RGS6: variants seen among roughly 807,000 people sequenced by gnomAD.
The protein encoded by RGS6 is regulator of G protein signaling 6.
RGS6 carries 30 observed loss-of-function variants against 78.5 expected under a neutral mutation model. The observed-to-expected ratio is 0.38, with a 90% CI of 0.29 to 0.52. The LOEUF (loss-of-function observed/expected upper bound fraction) is 0.52. Among genes scored for constraint, RGS6 ranks in the 20% least tolerant of loss-of-function variants. The pLI, the probability that RGS6 is intolerant of heterozygous loss-of-function variation, is 0.85. For synonymous variants in RGS6, 206 were observed against 206.0 expected, an observed-to-expected ratio of 1.00 and a Z score of 0.00; for missense variants, 495 against 609.7, an observed-to-expected ratio of 0.81 and a Z score of 1.98.
At chr14:72,394,295 G>A (rs973717195) in intron 3 of RGS6, among the ~76,000 whole-genome samples, 2 of 152,108 alleles carry the variant, frequency 1.3e-5, no homozygotes, top group Non-Finnish European at 2.9e-5. Context: ...TTTCAAAAGG[G>A]GAGGGAGTGT....
chr14:72,136,101 C>A (rs2096434934), intron 2 of RGS6, among the ~76,000 whole-genome samples: 1 of 152,140 alleles, frequency 6.6e-6, no homozygotes, highest in Non-Finnish European at 1.5e-5. Flanking sequence ...GCTGGAGCTA[C>A]CTCTTCCCTT....
At chr14:72,438,881 C>T (rs2095061280) in intron 3 of RGS6, among the ~76,000 whole-genome samples, 1 of 152,272 alleles carries the variant, frequency 6.6e-6, no homozygotes, top group Non-Finnish European at 1.5e-5. Context: ...TTCCTGGTCT[C>T]CTCTCCACTG....
chr14:72,331,529 T>G (rs1164156351), intron 2 of RGS6, among the ~76,000 whole-genome samples: 1 of 152,194 alleles, frequency 6.6e-6, no homozygotes, highest in East Asian at 1.9e-4. Flanking sequence ...CTCCACTTGG[T>G]GTCGGCCGGG....
chr14:72,146,637 C>T (rs989686582), intron 2 of RGS6, among the ~76,000 whole-genome samples: 1 of 152,074 alleles, frequency 6.6e-6, no homozygotes, highest in African/African-American at 2.4e-5. Flanking sequence ...GTAACTAGTC[C>T]CAAGTGAGTT....
the RGS6 span, among the ~76,000 whole-genome samples, chr14:71,893,655 G>C: frequency 2.0e-5 from 3 of 152,182 alleles, no homozygotes; most frequent in African/African-American, 7.2e-5. Context: ...TTACACAGTA[G>C]GATTTTGGGG....
At position 72,469,841 on chromosome 14, in the gene RGS6, G is replaced by T. The variant is rs926576045; in HGVS notation, c.460-166G>T. On this transcript the variant is annotated intron_variant, in intron 7 of 17. Coordinates refer to ENST00000553525, the MANE Select transcript of RGS6 (RefSeq NM_001204424.2). ...ATTAATAGTTCAGCTCTGTACGGAG[G>T]GTCTGGCGCAAAGTCAAATGGGATA... 2.8e-5 allele frequency: 17 copies of T among 611,284 alleles called. No individual in the cohort carries two copies. In the Middle Eastern group the frequency reaches 1.3e-3, roughly 45 times the overall value. The allele number at this position is 611,284 out of a possible 1,614,324, so 37.9% of individuals were successfully genotyped here.
chr14:72,165,109 C>T (rs541568044), intron 2 of RGS6, among the ~76,000 whole-genome samples: 1 of 152,300 alleles, frequency 6.6e-6, no homozygotes, highest in East Asian at 1.9e-4. Flanking sequence ...GAGCCAGGAA[C>T]CCTGCTAGGA....
chr14:71,919,725 G>T, the RGS6 span, among the ~76,000 whole-genome samples: 1 of 152,154 alleles, frequency 6.6e-6, no homozygotes, highest in Non-Finnish European at 1.5e-5. Context: ...TGGGCGCGGT[G>T]GCTCACACCT....
the RGS6 span, among the ~76,000 whole-genome samples, chr14:71,888,816 G>A: frequency 2.6e-5 from 4 of 152,074 alleles, no homozygotes; most frequent in Non-Finnish European, 5.9e-5. Flanking sequence ...TCTCCATTTG[G>A]GTTGCTGAGG....
intron 1 of RGS6, among the ~76,000 whole-genome samples, chr14:71,951,424 G>A (rs1205285669): frequency 6.6e-6 from 1 of 152,026 alleles, no homozygotes; most frequent in African/African-American, 2.4e-5. Flanking sequence ...ATGGGGAGAG[G>A]GACAGCATCA....
intron 2 of RGS6, among the ~76,000 whole-genome samples, chr14:72,180,360 C>A (rs534618437): frequency 1.3e-5 from 2 of 152,188 alleles, no homozygotes; most frequent in African/African-American, 2.4e-5. Context: ...ATAAGAGATG[C>A]TTAATCAATG....
rs563733408 is a variant in RGS6, at chr14:72,437,290, G to A, written c.185-17238G>A. ...CAGGAGGCGGGGGTTGCAGTGAGCCGAGATCATGCCACTGCACTCCAGCCT... is the reference window on the plus strand; with the variant it reads ...CAGGAGGCGGGGGTTGCAGTGAGCCAAGATCATGCCACTGCACTCCAGCCT... On this transcript the variant is annotated intron_variant, in intron 3 of 17. Transcript: ENST00000553525. Among the ~76,000 whole-genome samples, 632 of 138,480 alleles carry A rather than the reference G, an allele frequency of 4.6e-3. 2 individuals are homozygous for A. Among genetic ancestry groups the A allele is most frequent in the Non-Finnish European group, 6.7e-3 (438 of 65,742 alleles). The allele number at this position is 138,480 out of a possible 152,430, so 90.8% of individuals were successfully genotyped here.
intron 2 of RGS6, among the ~76,000 whole-genome samples, chr14:72,007,224 TA>T (rs1339254799): frequency 6.6e-5 from 10 of 151,228 alleles, no homozygotes; most frequent in African/African-American, 2.4e-4. Flanking sequence ...AACTATTAAA[TA>T]AAAAAGAGCC....
At chr14:71,931,967 C>T (rs1464688175), upstream of RGS6, among the ~76,000 whole-genome samples, 1 of 152,104 alleles carries the variant, frequency 6.6e-6, no homozygotes. Flanking sequence ...TCGCGGTGTC[C>T]CGTTTTAATT....
intron 3 of RGS6, among the ~76,000 whole-genome samples, chr14:72,371,141 C>CATTTT (rs2083431613): frequency 6.6e-6 from 1 of 152,152 alleles, no homozygotes; most frequent in African/African-American, 2.4e-5. Flanking sequence ...ACAAATGTAA[C>CATTTT]TTCACTGTAA....
intron 2 of RGS6, among the ~76,000 whole-genome samples, chr14:72,105,578 T>C (rs2095616566): frequency 6.6e-6 from 1 of 152,154 alleles, no homozygotes; most frequent in Non-Finnish European, 1.5e-5. Context: ...TTACTACTGC[T>C]GCTTTTTTTT....
Position 72,495,986 on chromosome 14 carries a change from G to A in RGS6, c.965+724G>A, listed in dbSNP as rs545007139. On this transcript the variant is annotated intron_variant, in intron 13 of 17. Transcript: ENST00000553525. Reference sequence around the variant, plus strand: ...GTGCCTTCACACCCCCTGCACCTTGGCTGGATGAATTTTTATTTCCCTTTT... The same window carrying A: ...GTGCCTTCACACCCCCTGCACCTTGACTGGATGAATTTTTATTTCCCTTTT... Among the ~76,000 whole-genome samples the A allele has an allele frequency of 7.1e-4, 107 of 150,130 alleles. 1 individual carries two copies. Among genetic ancestry groups the A allele is most frequent in the African/African-American group, 2.2e-3 (91 of 40,526 alleles).
the RGS6 span, among the ~76,000 whole-genome samples, chr14:72,599,989 C>G: frequency 1.3e-5 from 2 of 152,144 alleles, no homozygotes; most frequent in African/African-American, 2.4e-5. Flanking sequence ...CCTCTGACGG[C>G]AGGGAGGGAG....
At chr14:71,873,799 A>T in the RGS6 span, among the ~76,000 whole-genome samples, 1 of 152,182 alleles carries the variant, frequency 6.6e-6, no homozygotes, top group Non-Finnish European at 1.5e-5. Context: ...TCTTTAATCC[A>T]TCTTGAATTA....
Sources: allele counts gnomAD v4.1 joint callset (sites outside exome capture counted in the v4.1 genomes callset), GRCh38; gene constraint gnomAD v4.1.1; transcripts MANE v1.5; gene names NCBI Gene and HGNC (gene_info 2026-07-23, HGNC 2026-07-21).